Variants in CARM1 observed in about 807,000 individuals in gnomAD.
CARM1 encodes the protein coactivator associated arginine methyltransferase 1, also known as histone-arginine methyltransferase CARM1.
In CARM1, 14 loss-of-function variants were observed where a neutral mutation model predicts 72.7. The ratio of observed to expected loss-of-function variants is 0.19; its 90% confidence interval spans 0.13 to 0.30. The LOEUF (loss-of-function observed/expected upper bound fraction) is 0.30. Among genes scored for constraint, CARM1 ranks in the 10% least tolerant of loss-of-function variants. The pLI is 1.00. For synonymous variants in CARM1, 333 were observed against 345.5 expected (o/e 0.96, Z 0.40); for missense variants, 432 against 833.7 (o/e 0.52, Z 5.93).
In CARM1 at chr19:10,921,462, G is replaced by C; in HGVS notation, c.1684+19G>C. 6.3e-7 allele frequency: 1 copy of C among 1,595,974 alleles called. No homozygotes were observed. Among genetic ancestry groups the C allele is most frequent in the Non-Finnish European group, 8.5e-7 (1 of 1,170,462 alleles). ...GTCCAAGGTAACGAGGGTGGCGGGG[G>C]CAGGGCCCGTGGGGGCCGAGCTAGC... On this transcript the variant is annotated intron_variant, in intron 15 of 15. Coordinates refer to ENST00000327064, the MANE Select transcript of CARM1 (RefSeq NM_199141.2).
rs186185104 is a variant in CARM1 at position 10,892,246 on chromosome 19, A to G, written c.221-12705A>G. On this transcript the variant is annotated intron_variant, in intron 1 of 15. Coordinates refer to ENST00000327064, the MANE Select transcript of CARM1 (RefSeq NM_199141.2). ...TATCTCTGCAAGTAGAGCTTGTAGC[A>G]TACATAAGGCCCTGCAAAGGGATTT... 3.2e-4 allele frequency among the ~76,000 whole-genome samples: 48 copies of G among 152,360 alleles called. No homozygotes were observed. In the East Asian group the frequency reaches 9.1e-3, roughly 29 times the overall value.
chr19:10,871,633 C>T lies in CARM1; in HGVS notation c.-70C>T, dbSNP rs1313512028. 5 of 156,316 alleles carry T rather than the reference C, an allele frequency of 3.2e-5. No individual in the cohort carries two copies. The highest frequency in any genetic ancestry group is 2.8e-5 in the Non-Finnish European group (3 of 106,386). 9.7% of individuals were successfully genotyped at this position (156,316 alleles called of 1,614,324 possible). ...GCGGCGGCGGCGGCGGCGGCGGCGG[C>T]GGCGGCAGCGGCGGCGGCCTGGGCC... On this transcript the variant is annotated 5_prime_UTR_variant, in exon 1 of 16. Coordinates refer to ENST00000327064, the MANE Select transcript of CARM1 (RefSeq NM_199141.2). The surrounding 1 kb of genome is among the most constrained non-coding windows in gnomAD (Gnocchi z 5.6).
At position 10,905,396 on chromosome 19, in the gene CARM1, C is replaced by T. The variant is rs965411784; in HGVS notation, c.346+320C>T. Among the ~76,000 whole-genome samples the T allele has an allele frequency of 6.5e-5, 5 of 76,632 alleles. No homozygotes were observed. The East Asian group carries it at 2.4e-3, about 37-fold the overall frequency. 50.3% of individuals were successfully genotyped at this position (76,632 alleles called of 152,430 possible). On this transcript the variant is annotated intron_variant, in intron 2 of 15. Coordinates refer to ENST00000327064, the MANE Select transcript of CARM1 (RefSeq NM_199141.2). ...CAGCCCTGGGCCAGCTGTGACTGGG[C>T]CAGCTGTGGATGGAGTGAGGCGAGG...
intron 1 of CARM1, among the ~76,000 whole-genome samples, chr19:10,901,442 G>A (rs1482634163): frequency 6.6e-6 from 1 of 152,062 alleles, no homozygotes; most frequent in African/African-American, 2.4e-5. Context: ...TCAGCCTCCC[G>A]AGTAGCTGGG....
At chr19:10,895,817 A>G (rs906798195) in intron 1 of CARM1, among the ~76,000 whole-genome samples, 3 of 152,170 alleles carry the variant, frequency 2.0e-5, no homozygotes, top group African/African-American at 7.2e-5. Flanking sequence ...TCAGGTAGGC[A>G]TTAAATAATG....
chr19:10,876,226 AT>A, intron 1 of CARM1, among the ~76,000 whole-genome samples: 1 of 151,782 alleles, frequency 6.6e-6, no homozygotes, highest in Non-Finnish European at 1.5e-5. Flanking sequence ...CGGTCTCACT[AT>A]TTTGCCCAGG....
At chr19:10,905,545 T>A (rs1296258997) in intron 2 of CARM1, among the ~76,000 whole-genome samples, 2 of 152,198 alleles carry the variant, frequency 1.3e-5, no homozygotes, top group Non-Finnish European at 2.9e-5. Context: ...CCCAGGTGGA[T>A]GCAGCCAGGG....
chr19:10,888,552 A>G (rs1599689855), intron 1 of CARM1, among the ~76,000 whole-genome samples: 1 of 151,590 alleles, frequency 6.6e-6, no homozygotes, highest in East Asian at 1.9e-4. Context: ...CCGCGGGAGA[A>G]GAAAGACTGG....
intron 6 of CARM1, among the ~76,000 whole-genome samples, chr19:10,914,649 CA>C: frequency 6.6e-6 from 1 of 152,262 alleles, no homozygotes; most frequent in East Asian, 1.9e-4. Context: ...TGCACCTCCC[CA>C]GTTCAAGCAA....
Position 10,921,996 on chromosome 19 carries a change from C to T in CARM1, c.*239C>T, listed in dbSNP as rs1460596841. On this transcript the variant is annotated 3_prime_UTR_variant, in exon 16 of 16. Transcript: ENST00000327064. Reference sequence around the variant, plus strand: ...TTTACACAAAATCATGTTGTGGGAGCCCTCGTCCCCCCTCCTGCCCGCTCT... The same window carrying T: ...TTTACACAAAATCATGTTGTGGGAGTCCTCGTCCCCCCTCCTGCCCGCTCT... 3 of 431,946 alleles carry T rather than the reference C, an allele frequency of 6.9e-6. No homozygotes were observed. The highest frequency in any genetic ancestry group is 8.3e-5 in the Admixed American group (2 of 24,142). 26.8% of individuals were successfully genotyped at this position (431,946 alleles called of 1,614,324 possible). A position where few individuals can be genotyped will look rare whatever the true frequency, so the allele number is the denominator to read the frequency against.
At position 10,871,958 on chromosome 19, in the gene CARM1, G is replaced by C; in HGVS notation, c.220+36G>C. ...GGCCCCGGGGCAGGCGCAGGGCCGG[G>C]GCTGCTCACGAGGCCGGCCCGGGGC... is the stretch of plus-strand genomic sequence containing the variant. On this transcript the variant is annotated intron_variant, in intron 1 of 15. Coordinates refer to ENST00000327064, the MANE Select transcript of CARM1 (RefSeq NM_199141.2). The surrounding 1 kb of genome is among the most constrained non-coding windows in gnomAD (Gnocchi z 5.6). 2 of 1,171,876 alleles carry C rather than the reference G, an allele frequency of 1.7e-6. No individual in the cohort carries two copies. Among genetic ancestry groups the C allele is most frequent in the Non-Finnish European group, 2.1e-6 (2 of 949,030 alleles). The allele number at this position is 1,171,876 out of a possible 1,614,324, so 72.6% of individuals were successfully genotyped here.
rs375892795 is a variant in CARM1 at position 10,920,997 on chromosome 19, C to T, written c.1537+51C>T. ...AGCCAACCCGGGAGGCCGCCCTCGC[C>T]GCAGGCCTGGCCCCTCTGCCTCCAG... On this transcript the variant is annotated intron_variant, in intron 13 of 15. Coordinates refer to ENST00000327064, the MANE Select transcript of CARM1 (RefSeq NM_199141.2). The surrounding 1 kb of genome is among the most constrained non-coding windows in gnomAD (Gnocchi z 5.3). The T allele has an allele frequency of 2.1e-5, 34 of 1,611,802 alleles. No individual in the cohort carries two copies. Among genetic ancestry groups the T allele is most frequent in the East Asian group, 8.9e-5 (4 of 44,890 alleles).
intron 1 of CARM1, among the ~76,000 whole-genome samples, chr19:10,900,987 T>C (rs2074059976): frequency 6.6e-6 from 1 of 150,806 alleles, no homozygotes; most frequent in Non-Finnish European, 1.5e-5. Flanking sequence ...CCGGACTTTT[T>C]TTTTTTTTTT....
chr19:10,920,426 T>C lies in CARM1; in HGVS notation c.1197-10T>C, dbSNP rs1032975841. 5.5e-5 allele frequency: 88 copies of C among 1,606,722 alleles called. No individual in the cohort carries two copies. Among genetic ancestry groups the C allele is most frequent in the Non-Finnish European group, 7.4e-5 (87 of 1,174,302 alleles). On this transcript the variant is annotated splice_polypyrimidine_tract_variant and intron_variant, in intron 10 of 15. Transcript: ENST00000327064. This position sits in a 1 kb window ranked among gnomAD's most constrained non-coding sequence, Gnocchi z 5.3. ...GCCCAGTCAAGTATGTGCCTGTCCC[T>C]GCTCCACAGAATGACCGTGTGGCTG...
At position 10,902,438 on chromosome 19, in the gene CARM1, C is replaced by T. The variant is rs2015885042; in HGVS notation, c.221-2513C>T. 2.0e-5 allele frequency among the ~76,000 whole-genome samples: 3 copies of T among 151,674 alleles called. No individual in the cohort carries two copies. The South Asian group carries it at 6.3e-4, about 32-fold the overall frequency. On this transcript the variant is annotated intron_variant, in intron 1 of 15. Transcript: ENST00000327064. ...CCTCCTGAGTAGCTGGGACTATAGGCACTTGCCACTATGCCCAGCTAATTT... is the reference window on the plus strand; with the variant it reads ...CCTCCTGAGTAGCTGGGACTATAGGTACTTGCCACTATGCCCAGCTAATTT...
At chr19:10,900,077 GT>G (rs2145214394) in intron 1 of CARM1, among the ~76,000 whole-genome samples, 1 of 152,178 alleles carries the variant, frequency 6.6e-6, no homozygotes, top group African/African-American at 2.4e-5. Flanking sequence ...GGAGGCCAAG[GT>G]GAGAGGATCA....
chr19:10,873,482 G>C (rs1018699777), intron 1 of CARM1, among the ~76,000 whole-genome samples: 1 of 151,384 alleles, frequency 6.6e-6, no homozygotes, highest in African/African-American at 2.4e-5. Context: ...CCAGCTACTC[G>C]GGAGGCAGAG....
Position 10,922,030 on chromosome 19 carries a change from C to G in CARM1, c.*273C>G. The G allele has an allele frequency of 1.4e-5, 4 of 292,706 alleles. No individual in the cohort carries two copies. Among genetic ancestry groups the G allele is most frequent in the Admixed American group, 5.2e-5 (1 of 19,378 alleles). 18.1% of individuals were successfully genotyped at this position (292,706 alleles called of 1,614,324 possible). On this transcript the variant is annotated 3_prime_UTR_variant, in exon 16 of 16. Coordinates refer to ENST00000327064, the MANE Select transcript of CARM1 (RefSeq NM_199141.2). ...CCCCTCCTGCCCGCTCTACCCTGAC[C>G]TGGGCTTGTCATCTGCTGGAACAGG...
intron 3 of CARM1, 91 bp from the exon 4 acceptor site, chr19:10,909,012 G>C: frequency 1.1e-6 from 1 of 931,632 alleles, no homozygotes; most frequent in Non-Finnish European, 1.7e-6. Context: ...TTGTGCCCTA[G>C]ATGGCCCCTT....
Sources: gnomAD v4.1 joint callset for allele counts (sites outside exome capture counted in the v4.1 genomes callset) on GRCh38, gnomAD v4.1.1 for gene constraint, Gnocchi (gnomAD v3.1) non-coding constraint, MANE v1.5 for transcripts, NCBI Gene and HGNC (gene_info 2026-07-23, HGNC 2026-07-21) for gene names.